DNAAF4: variants seen among roughly 807,000 people sequenced by gnomAD.
DNAAF4 encodes dynein assembly factor 4, axonemal.
In DNAAF4, 43 loss-of-function variants were observed where a neutral mutation model predicts 51.8. The observed-to-expected ratio is 0.83, with a 90% CI of 0.65 to 1.07. The LOEUF is 1.07. Ranked by LOEUF, DNAAF4 falls within the 50% of genes least tolerant of loss-of-function variation. DNAAF4 has a pLI of 0.00. For missense variants in DNAAF4, 581 were observed against 493.0 expected, an observed-to-expected ratio of 1.18 and a Z score of -1.69; for synonymous variants, 194 against 165.6, an observed-to-expected ratio of 1.17 and a Z score of -1.32.
intron 6 of DNAAF4, chr15:55,443,388 A>G (rs657217): frequency 0.71 from 452,240 of 632,904 alleles, 164,160 homozygotes; most frequent in East Asian, 0.95. Flanking sequence ...GTGGGGCCGC[A>G]CTTGCTCTAG....
chr15:55,469,691 T>G, intron 4 of DNAAF4, among the ~76,000 whole-genome samples: 1 of 151,568 alleles, frequency 6.6e-6, no homozygotes, highest in East Asian at 2.0e-4. Context: ...GGGGTTTCAC[T>G]GTGTTAGCCA....
chr15:55,450,898 G>A (rs1595909055), intron 5 of DNAAF4, among the ~76,000 whole-genome samples: 1 of 152,188 alleles, frequency 6.6e-6, no homozygotes, highest in East Asian at 1.9e-4. Flanking sequence ...AGGAGTTCAA[G>A]ACCAGCCTGG....
Position 55,430,406 on chromosome 15 carries a change from G to C in DNAAF4, c.*264C>G. ...AAAACATATTTTGTTACAAGGGCAA[G>C]CTTAATTCAGTAACACAAAAAAGTA... On this transcript the variant is annotated 3_prime_UTR_variant, in exon 10 of 10. Coordinates refer to ENST00000321149, the MANE Select transcript of DNAAF4 (RefSeq NM_130810.4). The C allele has an allele frequency of 9.9e-7, 1 of 1,011,804 alleles. No homozygotes were observed. Among genetic ancestry groups the C allele is most frequent in the Non-Finnish European group, 1.2e-6 (1 of 845,420 alleles). 62.7% of individuals were successfully genotyped at this position (1,011,804 alleles called of 1,614,324 possible).
chr15:55,473,304 T>C (rs532499077), intron 4 of DNAAF4, among the ~76,000 whole-genome samples: 1 of 143,540 alleles, frequency 7.0e-6, no homozygotes, highest in African/African-American at 2.6e-5. Flanking sequence ...TGTGTATATA[T>C]ATGTGTGTAT....
chr15:55,419,507 G>A (rs1406970999), intron 7 of DNAAF4, among the ~76,000 whole-genome samples: 1 of 151,698 alleles, frequency 6.6e-6, no homozygotes, highest in African/African-American at 2.4e-5. Flanking sequence ...CAAAGTGTTG[G>A]GATTACAGGA....
At chr15:55,490,754 C>T (rs890284161) in intron 4 of DNAAF4, among the ~76,000 whole-genome samples, 1 of 152,068 alleles carries the variant, frequency 6.6e-6, no homozygotes, top group South Asian at 2.1e-4. Flanking sequence ...GAGATCGAGA[C>T]CATCCCGGCT....
At chr15:55,425,369 T>C (rs1386503489), downstream of DNAAF4, among the ~76,000 whole-genome samples, 1 of 152,192 alleles carries the variant, frequency 6.6e-6, no homozygotes, top group Non-Finnish European at 1.5e-5. Flanking sequence ...CTCTAACCCC[T>C]AATGTTTTCT....
At chr15:55,482,597 T>C (rs2058427372) in intron 4 of DNAAF4, among the ~76,000 whole-genome samples, 1 of 152,216 alleles carries the variant, frequency 6.6e-6, no homozygotes, top group South Asian at 2.1e-4. Context: ...GAGAATCACT[T>C]GAACCCAGGA....
intron 4 of DNAAF4, among the ~76,000 whole-genome samples, chr15:55,479,411 G>A (rs552066176): frequency 8.6e-5 from 13 of 151,728 alleles, no homozygotes; most frequent in East Asian, 3.9e-4. Flanking sequence ...TGTTATCTTC[G>A]TAAGCTGAGG....
At chr15:55,451,413 T>C (rs2057930248) in intron 5 of DNAAF4, among the ~76,000 whole-genome samples, 2 of 152,204 alleles carry the variant, frequency 1.3e-5, no homozygotes, top group Non-Finnish European at 2.9e-5. Flanking sequence ...TGTTGCTCAC[T>C]CATAATGGCA....
chr15:55,433,901 AT>A (rs1567000393), intron 8 of DNAAF4, among the ~76,000 whole-genome samples: 1 of 19,202 alleles, frequency 5.2e-5, no homozygotes, highest in African/African-American at 2.1e-4. Context: ...TATATTATAT[AT>A]ATTATATATA....
At chr15:55,434,857 TAGA>T in intron 8 of DNAAF4, 45 bp downstream of exon 8, 1 of 1,368,662 alleles carries the variant, frequency 7.3e-7, no homozygotes, top group Non-Finnish European at 9.7e-7. Flanking sequence ...AACCAATTAA[TAGA>T]AGGATATATT....
At chr15:55,507,705 G>A (rs2058733926) in intron 1 of DNAAF4, among the ~76,000 whole-genome samples, 1 of 152,146 alleles carries the variant, frequency 6.6e-6, no homozygotes, top group African/African-American at 2.4e-5. Context: ...TAAAACGAAG[G>A]CCCGGGATGC....
intron 4 of DNAAF4, among the ~76,000 whole-genome samples, chr15:55,489,247 A>AT (rs778520562): frequency 5.3e-5 from 8 of 152,134 alleles, no homozygotes; most frequent in Non-Finnish European, 1.0e-4. Flanking sequence ...TTCTATATTA[A>AT]TTTTTTTAAA....
At chr15:55,465,419 C>CACAG (rs1238076214) in intron 5 of DNAAF4, among the ~76,000 whole-genome samples, 3 of 151,648 alleles carry the variant, frequency 2.0e-5, no homozygotes, top group East Asian at 1.9e-4. Context: ...CACACACACA[C>CACAG]ACAGACACAC....
chr15:55,484,305 A>C (rs1186488567), intron 4 of DNAAF4, among the ~76,000 whole-genome samples: 1 of 152,038 alleles, frequency 6.6e-6, no homozygotes, highest in Non-Finnish European at 1.5e-5. Flanking sequence ...AACATGGTGA[A>C]ACCCTGTCTC....
intron 5 of DNAAF4, among the ~76,000 whole-genome samples, chr15:55,456,388 G>A (rs1168066377): frequency 1.3e-5 from 2 of 152,096 alleles, no homozygotes; most frequent in African/African-American, 4.8e-5. Context: ...GGCGGAAAAT[G>A]CATCCAAAAC....
intron 6 of DNAAF4, among the ~76,000 whole-genome samples, chr15:55,445,778 C>T (rs541416740): frequency 4.8e-5 from 7 of 145,606 alleles, no homozygotes; most frequent in Admixed American, 2.0e-4. Flanking sequence ...ACGGGGTGGC[C>T]GGGCAGAGGC....
intron 4 of DNAAF4, among the ~76,000 whole-genome samples, chr15:55,481,938 T>C (rs1298666121): frequency 6.6e-6 from 1 of 152,192 alleles, no homozygotes; most frequent in Non-Finnish European, 1.5e-5. Context: ...TTCATTTGTG[T>C]AGGGTGCAAC....
Sources: gnomAD v4.1 joint callset for allele counts (sites outside exome capture counted in the v4.1 genomes callset) on GRCh38, gnomAD v4.1.1 for gene constraint, MANE v1.5 for transcripts, NCBI Gene and HGNC (gene_info 2026-07-23, HGNC 2026-07-21) for gene names.